The following LIMA1 variants were observed in gnomAD, a reference collection of about 807,000 sequenced individuals.
The protein encoded by LIMA1 is LIM domain and actin-binding protein 1.
A neutral mutation model predicts 62.6 loss-of-function variants in LIMA1; 52 were observed. The observed-to-expected ratio is 0.83, with a 90% CI of 0.67 to 1.05. The LOEUF (loss-of-function observed/expected upper bound fraction) is 1.05. Ranked by LOEUF, LIMA1 falls within the 50% of genes least tolerant of loss-of-function variation. The pLI, the probability that LIMA1 is intolerant of heterozygous loss-of-function variation, is 0.00. For synonymous variants in LIMA1, 302 were observed against 317.8 expected, an observed-to-expected ratio of 0.95 and a Z score of 0.53; for missense variants, 780 against 902.2, an observed-to-expected ratio of 0.86 and a Z score of 1.74.
At position 50,200,810 on chromosome 12, in the gene LIMA1, A is replaced by G; in HGVS notation, c.939T>C (p.Pro313=). 1 of 1,614,144 alleles carries G rather than the reference A, an allele frequency of 6.2e-7. No individual in the cohort carries two copies. Among genetic ancestry groups the G allele is most frequent in the South Asian group, 1.1e-5 (1 of 91,078 alleles). ...CTTCCTGATGGGTGATGCAGACCTCAGGACCTGGGGGCACATTCTCCTTTT... is the reference window on the plus strand; with the variant it reads ...CTTCCTGATGGGTGATGCAGACCTCGGGACCTGGGGGCACATTCTCCTTTT... ...MEQKENVPPG[P]EVCITHQEGE... The change falls in exon 7 of 11, where the codon CCT becomes CCC. Residue 313 remains proline (P), a synonymous_variant. Transcript: ENST00000341247.
At chr12:50,185,031 C>T (rs1348054707) in intron 9 of LIMA1, among the ~76,000 whole-genome samples, 2 of 152,092 alleles carry the variant, frequency 1.3e-5, no homozygotes, top group African/African-American at 4.8e-5. Flanking sequence ...GGGGTTTCAC[C>T]ATGTTGGTCA....
chr12:50,217,349 A>G (rs1296748143), intron 4 of LIMA1, among the ~76,000 whole-genome samples: 2 of 152,242 alleles, frequency 1.3e-5, no homozygotes, highest in East Asian at 1.9e-4. Context: ...CAGTGGCTCA[A>G]GAGTGGCTGA....
chr12:50,248,743 T>C lies in LIMA1; in HGVS notation c.9A>G (p.Ser3=). 6.3e-7 allele frequency: 1 copy of C among 1,582,026 alleles called. No individual in the cohort carries two copies. The highest frequency in any genetic ancestry group is 8.7e-7 in the Non-Finnish European group (1 of 1,150,832). The change falls in exon 2 of 11, where the codon TCA becomes TCG. Residue 3 remains serine, a synonymous_variant. Coordinates refer to ENST00000341247, the MANE Select transcript of LIMA1 (RefSeq NM_016357.5). ME[S]SPFNRRQWTS... is the part of the protein sequence containing the mutation. ...TCCATTGCCGTCTATTAAATGGAGA[T>C]GATTCCATCTTGTCTACAGACACTG...
At chr12:50,193,733 C>T (rs1387482851) in intron 8 of LIMA1, among the ~76,000 whole-genome samples, 51 of 130,496 alleles carry the variant, frequency 3.9e-4, no homozygotes, top group Non-Finnish European at 7.4e-4. Flanking sequence ...GGCATGATCT[C>T]GGCTCACTGC....
rs1054670145 is a variant in LIMA1, at chr12:50,250,453, G to A, written c.-23-1679C>T. ...ACAAAAAATTAAAAATTAGCTGGGCGTGGTGGCACACACCTATAGTCCTAG... is the reference window on the plus strand; with the variant it reads ...ACAAAAAATTAAAAATTAGCTGGGCATGGTGGCACACACCTATAGTCCTAG... On this transcript the variant is annotated intron_variant, in intron 1 of 10. Coordinates refer to ENST00000341247, the MANE Select transcript of LIMA1 (RefSeq NM_016357.5). Among the ~76,000 whole-genome samples, 9 of 150,754 alleles carry A rather than the reference G, an allele frequency of 6.0e-5. No homozygotes were observed. The East Asian group carries it at 1.6e-3, about 26-fold the overall frequency.
At chr12:50,278,232 A>G (rs796948491) in intron 1 of LIMA1, among the ~76,000 whole-genome samples, 4 of 152,292 alleles carry the variant, frequency 2.6e-5, no homozygotes, top group African/African-American at 9.6e-5. Flanking sequence ...CATCCTGGCT[A>G]ACACGGTGAA....
intron 2 of LIMA1, among the ~76,000 whole-genome samples, chr12:50,235,925 G>T (rs1472377881): frequency 6.6e-6 from 1 of 152,160 alleles, no homozygotes. Flanking sequence ...AGCACTTCGG[G>T]AGATGGAGGT....
chr12:50,189,363 A>T (rs1403230704), intron 9 of LIMA1: 1 of 152,090 alleles, frequency 6.6e-6, no homozygotes, highest in East Asian at 1.9e-4. Context: ...TTATCTGTGG[A>T]CCAATCATGC....
At chr12:50,281,375 CA>C (rs1565868512) in intron 1 of LIMA1, among the ~76,000 whole-genome samples, 1 of 152,162 alleles carries the variant, frequency 6.6e-6, no homozygotes, top group Non-Finnish European at 1.5e-5. Flanking sequence ...GGCATCTTAG[CA>C]GGAAAAAGTA....
intron 8 of LIMA1, among the ~76,000 whole-genome samples, chr12:50,193,534 G>GT (rs1940835115): frequency 5.2e-5 from 5 of 95,400 alleles, no homozygotes; most frequent in Admixed American, 1.2e-4. Context: ...ACACATATAT[G>GT]ATATATATAT....
intron 5 of LIMA1, among the ~76,000 whole-genome samples, chr12:50,205,780 G>A (rs1211914142): frequency 3.8e-5 from 5 of 132,208 alleles, no homozygotes; most frequent in African/African-American, 1.2e-4. Flanking sequence ...TTGGGAGCAC[G>A]TCAACTTCCG....
In LIMA1 at chr12:50,215,355, G is replaced by A. The variant is rs867220359; in HGVS notation, c.630+6666C>T. 2.6e-5 allele frequency among the ~76,000 whole-genome samples: 4 copies of A among 152,256 alleles called. No individual in the cohort carries two copies. In the South Asian group the frequency reaches 6.2e-4, roughly 24 times the overall value. ...AATTCAGAGGGAAGCTGAAGGGCTG[G>A]GAGTCTACGGGGAGAGGTCACAAAC... On this transcript the variant is annotated intron_variant, in intron 4 of 10. Transcript: ENST00000341247.
intron 1 of LIMA1, among the ~76,000 whole-genome samples, chr12:50,266,457 A>G (rs989785833): frequency 6.6e-6 from 1 of 152,214 alleles, no homozygotes; most frequent in African/African-American, 2.4e-5. Flanking sequence ...GGGCATACAG[A>G]TCTATCTCAA....
At position 50,195,891 on chromosome 12, in the gene LIMA1, C is replaced by CAAAA. The variant is rs373254884; in HGVS notation, c.973-8_973-5dup. On this transcript the variant is annotated splice_polypyrimidine_tract_variant and splice_region_variant and intron_variant, in intron 7 of 10. Coordinates refer to ENST00000341247, the MANE Select transcript of LIMA1 (RefSeq NM_016357.5). ...GGCTATTCTCATTTGCAGAAATCTACAAAAAAAAAAAAAAAAAAAAAGTTA... is the reference window on the plus strand; with the variant it reads ...GGCTATTCTCATTTGCAGAAATCTACAAAAAAAAAAAAAAAAAAAAAAAAAGTTA... The CAAAA allele has an allele frequency of 5.7e-4, 627 of 1,097,784 alleles. No homozygotes were observed. Among genetic ancestry groups the CAAAA allele is most frequent in the South Asian group, 3.4e-3 (155 of 45,582 alleles). 68.0% of individuals were successfully genotyped at this position (1,097,784 alleles called of 1,614,324 possible).
At chr12:50,197,592 G>A (rs543740692) in intron 7 of LIMA1, among the ~76,000 whole-genome samples, 6 of 152,228 alleles carry the variant, frequency 3.9e-5, no homozygotes, top group Admixed American at 2.6e-4. Flanking sequence ...TCGCACTAAT[G>A]TCCTTTTAGG....
intron 1 of LIMA1, among the ~76,000 whole-genome samples, chr12:50,279,702 T>G (rs1012367416): frequency 3.3e-5 from 5 of 152,138 alleles, no homozygotes; most frequent in Non-Finnish European, 5.9e-5. Flanking sequence ...ACTTGGTCAG[T>G]TATTGCCAAG....
rs181250604 is a variant in LIMA1 at position 50,183,159 on chromosome 12, G to A, written c.1141-1122C>T. On this transcript the variant is annotated intron_variant, in intron 9 of 10. Coordinates refer to ENST00000341247, the MANE Select transcript of LIMA1 (RefSeq NM_016357.5). ...AGAGCTTGTAGTGAGCCGAGATGGC[G>A]CCACTGCACTCCAGCCTGGGCGACA... Among the ~76,000 whole-genome samples the A allele has an allele frequency of 7.1e-3, 1,074 of 152,204 alleles. 9 individuals are homozygous for A. Among genetic ancestry groups the A allele is most frequent in the African/African-American group, 0.025 (1,041 of 41,522 alleles).
At chr12:50,200,084 G>A (rs2009072) in intron 7 of LIMA1, among the ~76,000 whole-genome samples, 48,542 of 151,602 alleles carry the variant, frequency 0.32, 8,011 homozygotes, top group South Asian at 0.47. Flanking sequence ...TATTAGAGAC[G>A]GGGTTTCTCC....
chr12:50,219,486 AAAATAAAT>A (rs1364330510), intron 4 of LIMA1: 1 of 152,136 alleles, frequency 6.6e-6, no homozygotes, highest in African/African-American at 2.4e-5. Flanking sequence ...TTCTGTCTCA[AAAATAAAT>A]AAATAAATAA....
Sources: allele counts gnomAD v4.1 joint callset (sites outside exome capture counted in the v4.1 genomes callset), GRCh38; gene constraint gnomAD v4.1.1; transcripts MANE v1.5; gene names NCBI Gene and HGNC (gene_info 2026-07-23, HGNC 2026-07-21).